The following VPS13A variants were observed in gnomAD, a reference collection of about 807,000 sequenced individuals.
VPS13A encodes vacuolar protein sorting 13 homolog A.
A neutral mutation model predicts 390.9 loss-of-function variants in VPS13A; 264 were observed. The observed-to-expected ratio is 0.68, with a 90% confidence interval of 0.61 to 0.75. The LOEUF (loss-of-function observed/expected upper bound fraction) is 0.75, where lower values mean the gene tolerates loss of function less well. Among genes scored for constraint, VPS13A ranks in the 30% least tolerant of loss-of-function variants. VPS13A has a pLI of 0.00. For synonymous variants in VPS13A, 1,231 were observed against 1,227.1 expected, an observed-to-expected ratio of 1.00 and a Z score of -0.07; for missense variants, 3,409 against 3,733.9, an observed-to-expected ratio of 0.91 and a Z score of 2.27.
intron 51 of VPS13A, among the ~76,000 whole-genome samples, chr9:77,344,687 A>C (rs1028440715): frequency 3.2e-4 from 48 of 151,614 alleles, no homozygotes; most frequent in Non-Finnish European, 1.2e-4. Context: ...TGAACCCGGG[A>C]GGTGGAGCTT....
intron 71 of VPS13A, among the ~76,000 whole-genome samples, chr9:77,410,379 T>C (rs1203510067): frequency 6.6e-6 from 1 of 152,146 alleles, no homozygotes; most frequent in South Asian, 2.1e-4. Context: ...AGGAAGAAAC[T>C]GCATCAACTA....
intron 1 of VPS13A, among the ~76,000 whole-genome samples, chr9:77,185,932 G>T (rs1824307080): frequency 6.6e-6 from 1 of 152,134 alleles, no homozygotes; most frequent in South Asian, 2.1e-4. Flanking sequence ...TACGAGACCT[G>T]CCTGGTCAAC....
intron 1 of VPS13A, among the ~76,000 whole-genome samples, chr9:77,199,326 C>T (rs1250420721): frequency 1.3e-5 from 2 of 152,064 alleles, no homozygotes; most frequent in African/African-American, 4.8e-5. Context: ...TGCCACCATG[C>T]CTGGATGACT....
At chr9:77,376,234 T>C (rs1409567491) in intron 67 of VPS13A, among the ~76,000 whole-genome samples, 2 of 152,050 alleles carry the variant, frequency 1.3e-5, no homozygotes, top group Admixed American at 1.3e-4. Flanking sequence ...ACGGGGAAAG[T>C]TGAAGAAGAT....
chr9:77,369,876 A>G (rs1832651902), intron 63 of VPS13A, among the ~76,000 whole-genome samples: 1 of 152,252 alleles, frequency 6.6e-6, no homozygotes, highest in Non-Finnish European at 1.5e-5. Flanking sequence ...AATTTTGCAC[A>G]TTGTAATTAA....
At position 77,358,450 on chromosome 9, in the gene VPS13A, T is replaced by C. The variant is rs1831943071; in HGVS notation, c.8035+12T>C. On this transcript the variant is annotated intron_variant, in intron 57 of 71. Transcript: ENST00000360280. Reference sequence around the variant, plus strand: ...CACCATGGATTCAGGTTTGTTTTTATTTTTAGATTTCCATAAAAGCAGTTG... The same window carrying C: ...CACCATGGATTCAGGTTTGTTTTTACTTTTAGATTTCCATAAAAGCAGTTG... 9 of 1,602,586 alleles carry C rather than the reference T, an allele frequency of 5.6e-6. No homozygotes were observed. The highest frequency in any genetic ancestry group is 1.7e-5 in the Admixed American group (1 of 59,968).
In VPS13A at chr9:77,377,203, G is replaced by GTTTTTTT. The variant is rs61562443; in HGVS notation, c.9078-4752_9078-4746dup. Among the ~76,000 whole-genome samples, 53 of 69,062 alleles carry GTTTTTTT rather than the reference G, an allele frequency of 7.7e-4. 3 individuals carry two copies. Among genetic ancestry groups the GTTTTTTT allele is most frequent in the African/African-American group, 2.0e-3 (34 of 17,252 alleles). The allele number at this position is 69,062 out of a possible 152,430, so 45.3% of individuals were successfully genotyped here. On this transcript the variant is annotated intron_variant, in intron 67 of 71. Transcript: ENST00000360280. The stretch of plus-strand genomic sequence containing the variant: ...CTTATTCCTAAGTATTTTTGATGCT[G>GTTTTTTT]TTTTTTTTTTTTTTTTTTTTTTTTT...
intron 17 of VPS13A, among the ~76,000 whole-genome samples, chr9:77,230,593 A>G (rs1823774292): frequency 6.6e-6 from 1 of 152,104 alleles, no homozygotes; most frequent in South Asian, 2.1e-4. Flanking sequence ...CTATATGTCT[A>G]GCCTTATGCC....
In VPS13A at chr9:77,228,164, A is replaced by G. The variant is rs749683334; in HGVS notation, c.1495A>G (p.Ile499Val). Reference sequence around the variant, plus strand: ...TTTTGTCCACTTGAAAAGTATGTCTATTGTTCTAAGAGAAAATCATCAAAA... The same window carrying G: ...TTTTGTCCACTTGAAAAGTATGTCTGTTGTTCTAAGAGAAAATCATCAAAA... Reference protein sequence around the residue: ...KFFVHLKSMSIVLRENHQKPE... With the variant: ...KFFVHLKSMSVVLRENHQKPE... Residue 499 changes from isoleucine (I) to valine (V), a missense_variant, in exon 17 of 72, where the codon ATT (isoleucine) becomes GTT (valine). Ile to Val is a conservative substitution (Grantham distance 29). Coordinates refer to ENST00000360280, the MANE Select transcript of VPS13A (RefSeq NM_033305.3). The G allele has an allele frequency of 4.7e-5, 75 of 1,604,452 alleles. No homozygotes were observed. The highest frequency in any genetic ancestry group is 2.7e-4 in the East Asian group (12 of 44,570).
intron 31 of VPS13A, among the ~76,000 whole-genome samples, chr9:77,292,140 A>G (rs534692811): frequency 6.6e-6 from 1 of 152,134 alleles, no homozygotes; most frequent in South Asian, 2.1e-4. Context: ...CACCTTTTCC[A>G]GGGTCATACC....
chr9:77,337,961 G>A (rs1455963184), intron 47 of VPS13A: 2 of 155,142 alleles, frequency 1.3e-5, no homozygotes, highest in Non-Finnish European at 1.4e-5. Flanking sequence ...TTTACTTTTA[G>A]AATTACCATT....
intron 23 of VPS13A, among the ~76,000 whole-genome samples, chr9:77,270,042 G>C (rs796208748): frequency 6.6e-6 from 1 of 152,188 alleles, no homozygotes; most frequent in Non-Finnish European, 1.5e-5. Context: ...TGAGAACATA[G>C]ATTTCTGTTG....
chr9:77,220,639 G>C lies in VPS13A; in HGVS notation c.989+256G>C, dbSNP rs115333531. ...GTTTTCATTTACTATGGACGGGTCAGTATATTTAGAATTATTACAAAAACA... is the reference window on the plus strand; with the variant it reads ...GTTTTCATTTACTATGGACGGGTCACTATATTTAGAATTATTACAAAAACA... On this transcript the variant is annotated intron_variant, in intron 12 of 71. Transcript: ENST00000360280. Among the ~76,000 whole-genome samples the C allele has an allele frequency of 0.021, 3,214 of 152,106 alleles. 78 individuals are homozygous for C. The highest frequency in any genetic ancestry group is 0.059 in the African/African-American group (2,444 of 41,520).
chr9:77,310,990 A>G (rs867986042), intron 35 of VPS13A, among the ~76,000 whole-genome samples: 6 of 151,694 alleles, frequency 4.0e-5, no homozygotes, highest in South Asian at 2.1e-4. Flanking sequence ...TAGTGGTGCA[A>G]TCTCGGCTAC....
At chr9:77,314,349 A>C in intron 36 of VPS13A, 146 bp from the exon 37 acceptor site, 1 of 939,674 alleles carries the variant, frequency 1.1e-6, no homozygotes, top group Non-Finnish European at 1.6e-6. Flanking sequence ...ATATGTATAT[A>C]TTTTTAGCCT....
chr9:77,415,187 A>G (rs916937735), intron 71 of VPS13A, among the ~76,000 whole-genome samples: 2 of 152,140 alleles, frequency 1.3e-5, no homozygotes, highest in Non-Finnish European at 2.9e-5. Flanking sequence ...GTTTCAATTT[A>G]CCTGCAATAA....
intron 23 of VPS13A, among the ~76,000 whole-genome samples, chr9:77,272,943 G>A (rs1826432184): frequency 6.6e-6 from 1 of 152,118 alleles, no homozygotes; most frequent in African/African-American, 2.4e-5. Context: ...CAATTCTAGA[G>A]GCTTTAAGTA....
chr9:77,214,219 T>A, intron 9 of VPS13A, 110 bp from the exon 10 acceptor site: 1 of 889,404 alleles, frequency 1.1e-6, no homozygotes, highest in Middle Eastern at 2.2e-4. Context: ...GGGGTTGCAG[T>A]GAGCTGAGAT....
intron 1 of VPS13A, among the ~76,000 whole-genome samples, chr9:77,178,568 G>A (rs1823801783): frequency 6.6e-6 from 1 of 152,180 alleles, no homozygotes; most frequent in Admixed American, 6.5e-5. Flanking sequence ...CAGGGCGTGC[G>A]GTGCAACGTC....
Sources: allele counts gnomAD v4.1 joint callset (sites outside exome capture counted in the v4.1 genomes callset), GRCh38; gene constraint gnomAD v4.1.1; transcripts MANE v1.5; gene names NCBI Gene and HGNC (gene_info 2026-07-23, HGNC 2026-07-21).